Variants in SCN11A observed in about 807,000 individuals in gnomAD.
SCN11A encodes the protein sodium voltage-gated channel alpha subunit 11.
In SCN11A, 122 loss-of-function variants were observed where a neutral mutation model predicts 162.2. The observed-to-expected ratio is 0.75, with a 90% CI of 0.65 to 0.87. SCN11A has a LOEUF of 0.87. SCN11A is among the 40% of genes least tolerant of loss of function. SCN11A has a pLI of 0.00. For missense variants in SCN11A, 2,015 were observed against 2,181.6 expected, an observed-to-expected ratio of 0.92 and a Z score of 1.52; for synonymous variants, 758 against 751.5, an observed-to-expected ratio of 1.01 and a Z score of -0.14.
chr3:38,848,340 T>C (rs543893990), intron 29 of SCN11A, among the ~76,000 whole-genome samples: 2 of 152,332 alleles, frequency 1.3e-5, no homozygotes, highest in South Asian at 4.1e-4. Context: ...TGGAACATGC[T>C]TGTCTTGTGT....
intron 2 of SCN11A, among the ~76,000 whole-genome samples, chr3:38,993,997 T>C (rs1170264138): frequency 6.6e-6 from 1 of 152,188 alleles, no homozygotes; most frequent in East Asian, 1.9e-4. Context: ...GCCCTAGCTG[T>C]CCACGCAGTA....
intron 2 of SCN11A, among the ~76,000 whole-genome samples, chr3:38,997,996 T>C (rs551200737): frequency 6.7e-4 from 102 of 152,334 alleles, no homozygotes; most frequent in Middle Eastern, 3.4e-3. Flanking sequence ...TAAATATCTA[T>C]AACTTAAGGA....
chr3:38,950,056 C>CACCCCCA, intron 5 of SCN11A, 40 bp downstream of exon 5: 1 of 149,578 alleles, frequency 6.7e-6, no homozygotes, highest in Non-Finnish European at 1.2e-5. Flanking sequence ...ATGGTTAGAA[C>CACCCCCA]ACCCCCACCC....
At chr3:38,869,379 C>T (rs976947196) in intron 26 of SCN11A, among the ~76,000 whole-genome samples, 7 of 151,908 alleles carry the variant, frequency 4.6e-5, no homozygotes, top group African/African-American at 9.7e-5. Context: ...ATTTCCTTTG[C>T]TATAAATTGT....
chr3:38,937,713 T>A (rs2066359281), intron 7 of SCN11A, among the ~76,000 whole-genome samples: 1 of 152,140 alleles, frequency 6.6e-6, no homozygotes, highest in Admixed American at 6.5e-5. Context: ...CATTAATAAG[T>A]CAGGAAACAA....
chr3:38,943,708 A>C (rs2066473899), intron 7 of SCN11A, among the ~76,000 whole-genome samples: 1 of 152,224 alleles, frequency 6.6e-6, no homozygotes, highest in African/African-American at 2.4e-5. Flanking sequence ...GAAAACATTA[A>C]AAGAGTCTAA....
intron 2 of SCN11A, among the ~76,000 whole-genome samples, chr3:39,019,843 G>A (rs539173207): frequency 6.6e-6 from 1 of 151,794 alleles, no homozygotes; most frequent in African/African-American, 2.4e-5. Flanking sequence ...TCTTATCATC[G>A]CTTTCATTGT....
rs2066150744 is a variant in SCN11A, at chr3:38,926,877, T to G, written c.543A>C (p.Arg181Ser). Residue 181 changes from arginine (R) to serine (S), a missense_variant, in exon 8 of 30, where the codon AGA becomes AGC. By Grantham distance (110) the Arg-to-Ser change is moderately radical. Coordinates refer to ENST00000302328, the MANE Select transcript of SCN11A (RefSeq NM_001349253.2). ...AAGAAAACTCATCCAGAATGAAACC[T>G]CTTGCCAATATTTTAATCAAAGCTT... ...IFEALIKILARGFILDEFSFL... is the reference protein window; with the variant it reads ...IFEALIKILASGFILDEFSFL... The G allele has an allele frequency of 6.2e-7, 1 of 1,613,216 alleles. No individual in the cohort carries two copies. The highest frequency in any genetic ancestry group is 1.3e-5 in the African/African-American group (1 of 74,904).
intron 7 of SCN11A, among the ~76,000 whole-genome samples, chr3:38,935,296 C>T (rs527597733): frequency 1.5e-4 from 23 of 152,020 alleles, no homozygotes; most frequent in African/African-American, 5.3e-4. Flanking sequence ...AATTGACACC[C>T]TAACATCACA....
intron 19 of SCN11A, among the ~76,000 whole-genome samples, chr3:38,887,378 T>G (rs576092691): frequency 6.8e-6 from 1 of 147,890 alleles, no homozygotes; most frequent in East Asian, 2.0e-4. Context: ...CTAGCCCCTC[T>G]TGCCTATTCT....
intron 2 of SCN11A, among the ~76,000 whole-genome samples, chr3:39,001,502 A>T (rs2030809366): frequency 6.6e-6 from 1 of 152,204 alleles, no homozygotes; most frequent in Admixed American, 6.5e-5. Flanking sequence ...TGTATATAAC[A>T]CATTTTGTTT....
At chr3:38,946,335 A>G (rs904186619) in intron 6 of SCN11A, among the ~76,000 whole-genome samples, 2 of 152,222 alleles carry the variant, frequency 1.3e-5, no homozygotes, top group Non-Finnish European at 2.9e-5. Flanking sequence ...CTTTCAAGAA[A>G]AGCTGGAAAT....
At chr3:38,998,905 T>G (rs2030725240) in intron 2 of SCN11A, among the ~76,000 whole-genome samples, 1 of 87,866 alleles carries the variant, frequency 1.1e-5, no homozygotes, top group Non-Finnish European at 2.1e-5. Context: ...CGGGGCCTGT[T>G]GTGGGGTGGG....
intron 28 of SCN11A, among the ~76,000 whole-genome samples, chr3:38,858,450 A>T (rs1441599049): frequency 6.6e-6 from 1 of 152,184 alleles, no homozygotes; most frequent in Non-Finnish European, 1.5e-5. Context: ...TAAAATGATT[A>T]GTCCAACAGG....
chr3:38,847,827 G>C, intron 29 of SCN11A, 85 bp from the exon 30 acceptor site: 1 of 758,186 alleles, frequency 1.3e-6, no homozygotes. Context: ...GAATCCTATG[G>C]GGGCCAACTT....
chr3:38,897,584 C>CGG (rs2065626571), intron 17 of SCN11A, among the ~76,000 whole-genome samples: 4 of 151,976 alleles, frequency 2.6e-5, no homozygotes, highest in South Asian at 4.2e-4. Context: ...GGCATGGTGG[C>CGG]GCATGCCTGT....
At chr3:38,984,754 G>A (rs928659240) in intron 2 of SCN11A, among the ~76,000 whole-genome samples, 5 of 152,178 alleles carry the variant, frequency 3.3e-5, no homozygotes, top group East Asian at 1.9e-4. Flanking sequence ...CAGGTGATCC[G>A]CCCACCTTGG....
chr3:38,855,874 C>A (rs1441426797), intron 28 of SCN11A, among the ~76,000 whole-genome samples: 3 of 152,186 alleles, frequency 2.0e-5, no homozygotes, highest in Non-Finnish European at 4.4e-5. Context: ...AACCTGAAAA[C>A]AGATCACATC....
intron 19 of SCN11A, among the ~76,000 whole-genome samples, chr3:38,888,814 C>T (rs565440267): frequency 7.3e-4 from 111 of 152,256 alleles, no homozygotes; most frequent in African/African-American, 2.5e-3. Context: ...CCTCTCCCCC[C>T]ATCCCTTCCA....
Sources: gnomAD v4.1 joint callset for allele counts (sites outside exome capture counted in the v4.1 genomes callset) on GRCh38, gnomAD v4.1.1 for gene constraint, MANE v1.5 for transcripts, NCBI Gene and HGNC (gene_info 2026-07-23, HGNC 2026-07-21) for gene names.